Variants in ARID1B observed in about 807,000 individuals in gnomAD.
ARID1B encodes AT-rich interactive domain-containing protein 1B.
ARID1B carries 30 observed loss-of-function variants against 212.3 expected under a neutral mutation model. The ratio of observed to expected loss-of-function variants is 0.14; its 90% CI spans 0.11 to 0.19. ARID1B has a LOEUF of 0.19. Ranked by LOEUF, ARID1B falls within the 10% of genes least tolerant of loss-of-function variation. The pLI, the probability that ARID1B is intolerant of heterozygous loss-of-function variation, is 1.00. For missense variants in ARID1B, 2,891 were observed against 3,204.0 expected (o/e 0.90, Z 2.36); for synonymous variants, 1,402 against 1,301.7 (o/e 1.08, Z -1.66).
intron 3 of ARID1B, among the ~76,000 whole-genome samples, chr6:156,918,660 C>G (rs1445537251): frequency 2.0e-5 from 3 of 152,180 alleles, no homozygotes; most frequent in African/African-American, 7.2e-5. Flanking sequence ...AGCTTGTAAG[C>G]ATCCGAGGAG....
intron 1 of ARID1B, among the ~76,000 whole-genome samples, chr6:156,815,143 A>G (rs1781874642): frequency 6.6e-6 from 1 of 152,210 alleles, no homozygotes; most frequent in African/African-American, 2.4e-5. Context: ...AAGTCTAAGA[A>G]AAGAAGAGTA....
intron 2 of ARID1B, among the ~76,000 whole-genome samples, chr6:156,869,218 A>G (rs1294445807): frequency 4.6e-5 from 7 of 152,214 alleles, no homozygotes; most frequent in Non-Finnish European, 1.0e-4. Context: ...TTCAGATTTA[A>G]TACTTTTAGC....
intron 4 of ARID1B, chr6:157,022,560 C>T (rs1197636867): frequency 1.3e-5 from 2 of 152,214 alleles, no homozygotes; most frequent in African/African-American, 4.8e-5. Flanking sequence ...AATCTAGGAA[C>T]ATTTGACGAC....
Position 156,931,961 on chromosome 6 carries a change from TAA to T in ARID1B, c.2137-3482_2137-3481del, listed in dbSNP as rs56102774. On this transcript the variant is annotated intron_variant, in intron 3 of 19. Transcript: ENST00000636930. ...GGGCAACGAGAGCAAGATTCCGTCT[TAA>T]AAAAAAAAAAAAAAAAAAAAAATCA... 6.4e-3 allele frequency among the ~76,000 whole-genome samples: 627 copies of T among 97,366 alleles called. 2 individuals carry two copies. The highest frequency in any genetic ancestry group is 7.9e-3 in the Non-Finnish European group (392 of 49,794). The allele number at this position is 97,366 out of a possible 152,430, so 63.9% of individuals were successfully genotyped here. A position where few individuals can be genotyped will look rare whatever the true frequency, so the allele number is the denominator to read the frequency against.
intron 16 of ARID1B, among the ~76,000 whole-genome samples, chr6:157,196,576 C>T (rs1793742702): frequency 6.6e-6 from 1 of 152,176 alleles, no homozygotes; most frequent in Non-Finnish European, 1.5e-5. Flanking sequence ...AGGGCCGCCA[C>T]AAGTCACGCT....
chr6:156,958,134 G>A (rs902676228), intron 4 of ARID1B, among the ~76,000 whole-genome samples: 7 of 152,194 alleles, frequency 4.6e-5, no homozygotes, highest in African/African-American at 1.7e-4. Context: ...CACTGCACAC[G>A]GCAGTCTACC....
chr6:156,832,535 C>T (rs1003363519), intron 2 of ARID1B, among the ~76,000 whole-genome samples: 31 of 152,260 alleles, frequency 2.0e-4, no homozygotes, highest in African/African-American at 6.7e-4. Flanking sequence ...TAATATTGCT[C>T]GTATATTTCT....
intron 2 of ARID1B, among the ~76,000 whole-genome samples, chr6:156,844,458 G>T (rs1247025162): frequency 6.6e-6 from 1 of 152,180 alleles, no homozygotes; most frequent in African/African-American, 2.4e-5. Flanking sequence ...GTATCAGAGT[G>T]CATCATGCAA....
intron 8 of ARID1B, among the ~76,000 whole-genome samples, chr6:157,163,233 G>A (rs1194076803): frequency 2.6e-5 from 4 of 152,130 alleles, no homozygotes; most frequent in Admixed American, 1.3e-4. Flanking sequence ...AGGTCGCCTC[G>A]AAACCCAGGT....
chr6:156,836,955 T>TA (rs1453141363), intron 2 of ARID1B, among the ~76,000 whole-genome samples: 1 of 152,192 alleles, frequency 6.6e-6, no homozygotes, highest in Non-Finnish European at 1.5e-5. Context: ...TGAGCCACCA[T>TA]ACCCAGCCTC....
At chr6:157,132,459 G>A (rs147637655) in intron 6 of ARID1B, among the ~76,000 whole-genome samples, 2 of 152,310 alleles carry the variant, frequency 1.3e-5, no homozygotes, top group African/African-American at 2.4e-5. Context: ...GGGTAGTGCC[G>A]AGTCAGGTAT....
chr6:157,174,330 C>T (rs144481793), intron 10 of ARID1B: 29 of 479,634 alleles, frequency 6.0e-5, no homozygotes, highest in African/African-American at 4.3e-4. Flanking sequence ...CATTAACTCA[C>T]GGTTGGGGGA....
chr6:157,109,135 C>T (rs1228335420), intron 5 of ARID1B, among the ~76,000 whole-genome samples: 2 of 152,106 alleles, frequency 1.3e-5, no homozygotes, highest in Admixed American at 6.6e-5. Context: ...ATTCTGGGAC[C>T]GTGTCCTGCC....
intron 9 of ARID1B, chr6:157,169,627 A>T (rs1205798816): frequency 6.6e-6 from 1 of 152,258 alleles, no homozygotes; most frequent in Admixed American, 6.5e-5. Context: ...AATACAATAC[A>T]TGTGTGATTG....
At chr6:157,139,938 G>A (rs984007331) in intron 7 of ARID1B, among the ~76,000 whole-genome samples, 4 of 151,572 alleles carry the variant, frequency 2.6e-5, no homozygotes, top group Non-Finnish European at 5.9e-5. Context: ...TGGCCAAGCT[G>A]GCCTCAAATT....
At chr6:156,928,301 C>T (rs541560566) in intron 3 of ARID1B, among the ~76,000 whole-genome samples, 1 of 152,084 alleles carries the variant, frequency 6.6e-6, no homozygotes, top group Non-Finnish European at 1.5e-5. Flanking sequence ...TGTCTGCCAT[C>T]GGATCAGGAG....
chr6:157,004,897 C>CTTTTTTGTTTTTTTTTTTT (rs1562542228), intron 4 of ARID1B, among the ~76,000 whole-genome samples: 13 of 54,740 alleles, frequency 2.4e-4, no homozygotes, highest in Non-Finnish European at 2.9e-4. Flanking sequence ...CTTCTTTTTT[C>CTTTTTTGTTTTTTTTTTTT]TTTTTTTTTT....
chr6:156,984,989 T>G (rs1777839675), intron 4 of ARID1B: 1 of 152,192 alleles, frequency 6.6e-6, no homozygotes, highest in Non-Finnish European at 1.5e-5. Context: ...CCACTGCACC[T>G]GGCCAGTACT....
At chr6:156,991,299 C>G (rs757721416) in intron 4 of ARID1B, among the ~76,000 whole-genome samples, 1 of 152,244 alleles carries the variant, frequency 6.6e-6, no homozygotes, top group Non-Finnish European at 1.5e-5. Flanking sequence ...GGTGCGATCT[C>G]GGCTCACTGC....
Sources: allele counts gnomAD v4.1 joint callset (sites outside exome capture counted in the v4.1 genomes callset), GRCh38; gene constraint gnomAD v4.1.1; transcripts MANE v1.5; gene names NCBI Gene and HGNC (gene_info 2026-07-23, HGNC 2026-07-21).